Variants in FHIT observed in about 807,000 individuals in gnomAD.
The protein encoded by FHIT is fragile histidine triad diadenosine triphosphatase.
In FHIT, 19 loss-of-function variants were observed where a neutral mutation model predicts 17.9. That is an observed-to-expected ratio of 1.06 (90% CI 0.74 to 1.56). FHIT has a LOEUF of 1.56. FHIT is among the 40% of genes most tolerant of loss of function. FHIT has a pLI of 0.00. For synonymous variants in FHIT, 81 were observed against 69.7 expected (o/e 1.16, Z -0.81); for missense variants, 248 against 189.2 (o/e 1.31, Z -1.82).
At chr3:60,151,996 A>C (rs1372986528) in intron 5 of FHIT, among the ~76,000 whole-genome samples, 1 of 152,202 alleles carries the variant, frequency 6.6e-6, no homozygotes, top group Non-Finnish European at 1.5e-5. Context: ...CATAGCATCA[A>C]GCATAGAGCC....
At chr3:61,159,630 T>G (rs191596583) in intron 2 of FHIT, among the ~76,000 whole-genome samples, 1 of 152,250 alleles carries the variant, frequency 6.6e-6, no homozygotes. Flanking sequence ...ATTAAATGTT[T>G]ACTTTGCTAA....
At chr3:60,615,143 T>C (rs998428653) in intron 4 of FHIT, among the ~76,000 whole-genome samples, 2 of 152,150 alleles carry the variant, frequency 1.3e-5, no homozygotes, top group Non-Finnish European at 2.9e-5. Context: ...TCTTGAATTG[T>C]TACCTTGGAT....
At chr3:60,556,752 G>A (rs1020273694) in intron 4 of FHIT, among the ~76,000 whole-genome samples, 7 of 152,222 alleles carry the variant, frequency 4.6e-5, no homozygotes, top group African/African-American at 1.7e-4. Context: ...TAGAGAAGAG[G>A]AGCAGTGGCA....
chr3:60,619,270 A>T (rs2039044835), intron 4 of FHIT, among the ~76,000 whole-genome samples: 1 of 152,210 alleles, frequency 6.6e-6, no homozygotes, highest in Non-Finnish European at 1.5e-5. Flanking sequence ...ATAAAAAACT[A>T]AATGTGAATA....
rs114718376 is a variant in FHIT at position 60,411,511 on chromosome 3, G to A, written c.103+125349C>T. On this transcript the variant is annotated intron_variant, in intron 5 of 9. Transcript: ENST00000492590. ...ACGTTGTAGGGTTCATACAGCCACA[G>A]CTAATTACTATGTATATTGTATTTC... Among the ~76,000 whole-genome samples, 1,343 of 152,234 alleles carry A rather than the reference G, an allele frequency of 8.8e-3. 20 individuals are homozygous for A. The highest frequency in any genetic ancestry group is 0.03 in the African/African-American group (1,262 of 41,550).
chr3:60,564,756 G>T (rs902902587), intron 4 of FHIT, among the ~76,000 whole-genome samples: 9 of 152,162 alleles, frequency 5.9e-5, no homozygotes, highest in African/African-American at 2.2e-4. Context: ...GGTGAGCAAA[G>T]AAAGTGATTT....
chr3:60,395,615 T>C (rs746801513), intron 5 of FHIT, among the ~76,000 whole-genome samples: 11 of 152,134 alleles, frequency 7.2e-5, no homozygotes, highest in Non-Finnish European at 1.5e-4. Context: ...TAATTTGTGC[T>C]TCATGAATAG....
chr3:61,203,677 G>A (rs1001698002), intron 1 of FHIT, among the ~76,000 whole-genome samples: 10 of 152,090 alleles, frequency 6.6e-5, no homozygotes, highest in African/African-American at 2.2e-4. Context: ...ACAATTTTTA[G>A]CATTTGCCAA....
At chr3:61,152,350 C>T (rs2037418454) in intron 2 of FHIT, among the ~76,000 whole-genome samples, 1 of 152,194 alleles carries the variant, frequency 6.6e-6, no homozygotes, top group Admixed American at 6.5e-5. Context: ...CACAGCTGAA[C>T]TTTTGCTGAT....
intron 5 of FHIT, among the ~76,000 whole-genome samples, chr3:60,018,748 C>T (rs950288178): frequency 6.6e-6 from 1 of 152,256 alleles, no homozygotes; most frequent in African/African-American, 2.4e-5. Context: ...GAGGCCAAAG[C>T]GCGCGAATCA....
intron 3 of FHIT, among the ~76,000 whole-genome samples, chr3:60,988,512 T>C (rs1358766676): frequency 6.6e-6 from 1 of 152,094 alleles, no homozygotes; most frequent in African/African-American, 2.4e-5. Flanking sequence ...GAACCAAATA[T>C]GGAGCATATC....
Position 61,170,288 on chromosome 3 carries a change from T to C in FHIT, c.-164+30329A>G, listed in dbSNP as rs565396472. On this transcript the variant is annotated intron_variant, in intron 2 of 9. Coordinates refer to ENST00000492590, the MANE Select transcript of FHIT (RefSeq NM_002012.4). Reference sequence around the variant, plus strand: ...GGTTTTACTTTGCAATTAAATTTTATTCCCATATGAATCTATATGTAAATA... The same window carrying C: ...GGTTTTACTTTGCAATTAAATTTTACTCCCATATGAATCTATATGTAAATA... Among the ~76,000 whole-genome samples, 3 of 152,312 alleles carry C rather than the reference T, an allele frequency of 2.0e-5. No homozygotes were observed. The East Asian group carries it at 5.8e-4, about 29-fold the overall frequency.
intron 2 of FHIT, among the ~76,000 whole-genome samples, chr3:61,090,482 G>T (rs2035446365): frequency 6.6e-6 from 1 of 152,172 alleles, no homozygotes; most frequent in South Asian, 2.1e-4. Flanking sequence ...GTCTCACAGG[G>T]ATTTATATTA....
At chr3:60,328,654 C>T (rs1194615834) in intron 5 of FHIT, among the ~76,000 whole-genome samples, 1 of 152,144 alleles carries the variant, frequency 6.6e-6, no homozygotes, top group Non-Finnish European at 1.5e-5. Context: ...TATCAATCAT[C>T]CTACTGAGTA....
intron 5 of FHIT, among the ~76,000 whole-genome samples, chr3:60,325,820 C>T (rs904377731): frequency 6.6e-6 from 1 of 152,164 alleles, no homozygotes; most frequent in African/African-American, 2.4e-5. Context: ...AGGAGATTCG[C>T]TTTATAGGAT....
At chr3:60,553,451 T>C in intron 4 of FHIT, 1 of 414,394 alleles carries the variant, frequency 2.4e-6, no homozygotes, top group Non-Finnish European at 3.2e-6. Context: ...AATATATATA[T>C]ATATATATTT....
chr3:60,722,621 C>A (rs1384698719), intron 4 of FHIT, among the ~76,000 whole-genome samples: 1 of 152,016 alleles, frequency 6.6e-6, no homozygotes, highest in Non-Finnish European at 1.5e-5. Flanking sequence ...CCCCCACCCC[C>A]AGTTGTGACA....
chr3:59,987,143 T>C (rs971451378), intron 7 of FHIT, among the ~76,000 whole-genome samples: 1 of 144,808 alleles, frequency 6.9e-6, no homozygotes, highest in Non-Finnish European at 1.5e-5. Flanking sequence ...TATATAATTA[T>C]ATAAATAATA....
In FHIT at chr3:61,168,908, A is replaced by G. The variant is rs190506647; in HGVS notation, c.-164+31709T>C. On this transcript the variant is annotated intron_variant, in intron 2 of 9. Coordinates refer to ENST00000492590, the MANE Select transcript of FHIT (RefSeq NM_002012.4). ...TTGAAAGCCAGAAGCTATGTGTTATAAAATGTCCCTAGTTTTTCCCATGTT... is the reference window on the plus strand; with the variant it reads ...TTGAAAGCCAGAAGCTATGTGTTATGAAATGTCCCTAGTTTTTCCCATGTT... 3.3e-5 allele frequency among the ~76,000 whole-genome samples: 5 copies of G among 150,814 alleles called. No homozygotes were observed. The East Asian group carries it at 1.0e-3, about 30-fold the overall frequency.
Sources: allele counts gnomAD v4.1 joint callset (sites outside exome capture counted in the v4.1 genomes callset), GRCh38; gene constraint gnomAD v4.1.1; transcripts MANE v1.5; gene names NCBI Gene and HGNC (gene_info 2026-07-23, HGNC 2026-07-21).